HMG20A: variants seen among roughly 807,000 people sequenced by gnomAD.
The protein encoded by HMG20A is high mobility group protein 20A.
In HMG20A, 17 loss-of-function variants were observed where a neutral mutation model predicts 43.9. That is an observed-to-expected ratio of 0.39 (90% CI 0.27 to 0.58). The LOEUF (loss-of-function observed/expected upper bound fraction) is 0.58. Among genes scored for constraint, HMG20A ranks in the 20% least tolerant of loss-of-function variants. The pLI is 0.59. For synonymous variants in HMG20A, 132 were observed against 147.5 expected, an observed-to-expected ratio of 0.89 and a Z score of 0.76; for missense variants, 341 against 438.2, an observed-to-expected ratio of 0.78 and a Z score of 1.98.
chr15:77,495,286 G>A, the HMG20A span, among the ~76,000 whole-genome samples: 13 of 152,194 alleles, frequency 8.5e-5, no homozygotes, highest in Admixed American at 7.9e-4. Flanking sequence ...GGTGGCTCAC[G>A]CCTGAAATCC....
At chr15:77,507,900 G>A in the HMG20A span, among the ~76,000 whole-genome samples, 1 of 149,248 alleles carries the variant, frequency 6.7e-6, no homozygotes, top group Admixed American at 6.7e-5. Context: ...CTGAGCGTAG[G>A]TCTGGAGAGC....
At chr15:77,466,015 T>C (rs1030653873) in intron 3 of HMG20A, among the ~76,000 whole-genome samples, 1 of 152,246 alleles carries the variant, frequency 6.6e-6, no homozygotes, top group Non-Finnish European at 1.5e-5. Flanking sequence ...TTCATTTCTT[T>C]AGTTTTTTTC....
downstream of HMG20A, among the ~76,000 whole-genome samples, chr15:77,488,749 A>G (rs565939499): frequency 2.6e-5 from 4 of 152,350 alleles, no homozygotes; most frequent in South Asian, 8.3e-4. Flanking sequence ...TCATTAAATC[A>G]GTAAGTTGGT....
intron 4 of HMG20A, among the ~76,000 whole-genome samples, chr15:77,470,148 T>C (rs1254913597): frequency 6.6e-6 from 1 of 152,216 alleles, no homozygotes; most frequent in Non-Finnish European, 1.5e-5. Flanking sequence ...ATCTGGCTCT[T>C]ACGCGGGACA....
At chr15:77,513,517 C>T in the HMG20A span, among the ~76,000 whole-genome samples, 20 of 152,174 alleles carry the variant, frequency 1.3e-4, no homozygotes, top group Non-Finnish European at 2.2e-4. Flanking sequence ...AAACAACAGA[C>T]ATTTATTTCT....
downstream of HMG20A, among the ~76,000 whole-genome samples, chr15:77,489,754 G>T (rs1207108678): frequency 6.6e-6 from 1 of 152,184 alleles, no homozygotes; most frequent in African/African-American, 2.4e-5. Context: ...GTATACAAAG[G>T]CTGAAATCCT....
At chr15:77,435,813 G>T (rs2073540758) in intron 1 of HMG20A, among the ~76,000 whole-genome samples, 1 of 122,146 alleles carries the variant, frequency 8.2e-6, no homozygotes, top group Admixed American at 8.9e-5. Context: ...TAACATGTAG[G>T]TGCATCTTTT....
chr15:77,518,690 G>T, the HMG20A span, among the ~76,000 whole-genome samples: 4 of 152,280 alleles, frequency 2.6e-5, no homozygotes, highest in African/African-American at 9.6e-5. Context: ...ACCACACCAC[G>T]GCTCAGCGTC....
chr15:77,473,028 G>A (rs1190998489), intron 6 of HMG20A, among the ~76,000 whole-genome samples: 1 of 152,148 alleles, frequency 6.6e-6, no homozygotes, highest in Non-Finnish European at 1.5e-5. Context: ...TGAACAAAAA[G>A]AATTTTCTGA....
the HMG20A span, among the ~76,000 whole-genome samples, chr15:77,515,961 C>T: frequency 1.3e-5 from 2 of 152,130 alleles, no homozygotes; most frequent in African/African-American, 4.8e-5. Context: ...CCTCCAGGGG[C>T]CCTTAGTCTC....
At chr15:77,518,503 T>G in the HMG20A span, among the ~76,000 whole-genome samples, 4 of 152,056 alleles carry the variant, frequency 2.6e-5, no homozygotes, top group African/African-American at 9.7e-5. Context: ...CCCTCACTCT[T>G]ACCTACATTA....
At chr15:77,500,807 G>A in the HMG20A span, among the ~76,000 whole-genome samples, 1 of 151,972 alleles carries the variant, frequency 6.6e-6, no homozygotes, top group East Asian at 1.9e-4. Flanking sequence ...GACCTCAGGG[G>A]ATCCACCTGC....
At chr15:77,474,563 G>C (rs996292429) in intron 6 of HMG20A, among the ~76,000 whole-genome samples, 3 of 152,188 alleles carry the variant, frequency 2.0e-5, no homozygotes, top group Non-Finnish European at 1.5e-5. Flanking sequence ...AATGGGCCTC[G>C]TTGCCCAAGG....
downstream of HMG20A, among the ~76,000 whole-genome samples, chr15:77,486,755 G>A (rs1403295402): frequency 6.6e-6 from 1 of 152,104 alleles, no homozygotes; most frequent in Non-Finnish European, 1.5e-5. Flanking sequence ...GACATAACAC[G>A]TGCCTCAGCA....
At chr15:77,496,185 C>T in the HMG20A span, among the ~76,000 whole-genome samples, 3 of 152,158 alleles carry the variant, frequency 2.0e-5, no homozygotes, top group Non-Finnish European at 2.9e-5. Flanking sequence ...CCATGCAGCA[C>T]AAAACAAGCC....
chr15:77,493,687 A>T, the HMG20A span, among the ~76,000 whole-genome samples: 1 of 152,160 alleles, frequency 6.6e-6, no homozygotes, highest in African/African-American at 2.4e-5. Context: ...GGGGAAGAGG[A>T]TGGAATACAG....
intron 7 of HMG20A, 42 bp downstream of exon 7, chr15:77,477,672 C>A: frequency 7.5e-7 from 1 of 1,340,064 alleles, no homozygotes; most frequent in Non-Finnish European, 1.1e-6. Flanking sequence ...AGATTTTTGA[C>A]AGGGGACTTA....
intron 1 of HMG20A, among the ~76,000 whole-genome samples, chr15:77,431,414 G>A (rs890051490): frequency 1.3e-5 from 2 of 152,154 alleles, no homozygotes; most frequent in Non-Finnish European, 2.9e-5. Context: ...GTTTCACCAT[G>A]TTGGCCAGGC....
chr15:77,443,379 G>GATGATTATTATTATTATTATT lies in HMG20A; in HGVS notation c.-4-15023_-4-15022insGATTATTATTATTATTATTAT, dbSNP rs576920554. Among the ~76,000 whole-genome samples the GATGATTATTATTATTATTATT allele has an allele frequency of 1.4e-4, 18 of 131,318 alleles. 1 individual carries two copies. In the South Asian group the frequency reaches 1.8e-3, roughly 13 times the overall value. 86.1% of individuals were successfully genotyped at this position (131,318 alleles called of 152,430 possible). A position where few individuals can be genotyped will look rare whatever the true frequency, so the allele number is the denominator to read the frequency against. The stretch of plus-strand genomic sequence containing the variant: ...TGATGATGATGATGATGATGATGAT[G>GATGATTATTATTATTATTATT]ATTATTATTATTATTATTATTATTA... On this transcript the variant is annotated intron_variant, in intron 1 of 9. Coordinates refer to ENST00000336216, the MANE Select transcript of HMG20A (RefSeq NM_001304504.2).
Sources: allele counts gnomAD v4.1 joint callset (sites outside exome capture counted in the v4.1 genomes callset), GRCh38; gene constraint gnomAD v4.1.1; transcripts MANE v1.5; gene names NCBI Gene and HGNC (gene_info 2026-07-23, HGNC 2026-07-21).